The following ATP8B3 variants were observed in gnomAD, a reference collection of about 807,000 sequenced individuals.
ATP8B3 encodes ATPase phospholipid transporting 8B3.
In ATP8B3, 141 loss-of-function variants were observed where a neutral mutation model predicts 140.9. The ratio of observed to expected loss-of-function variants is 1.00; its 90% CI spans 0.87 to 1.15. The LOEUF is 1.15. Ranked by LOEUF, ATP8B3 falls within the 50% of genes most tolerant of loss-of-function variation. ATP8B3 has a pLI of 0.00. For missense variants in ATP8B3, 1,874 were observed against 1,740.6 expected (o/e 1.08, Z -1.36); for synonymous variants, 765 against 714.6 (o/e 1.07, Z -1.13).
At chr19:1,787,712 AGT>A in intron 24 of ATP8B3, among the ~76,000 whole-genome samples, 1 of 120,876 alleles carries the variant, frequency 8.3e-6, no homozygotes, top group East Asian at 2.8e-4. Flanking sequence ...CTGGGCAACA[AGT>A]GTGAAACTCT....
intron 18 of ATP8B3, among the ~76,000 whole-genome samples, chr19:1,792,950 C>G (rs941906231): frequency 1.3e-5 from 2 of 151,680 alleles, no homozygotes; most frequent in Non-Finnish European, 2.9e-5. Context: ...CTGAGCTGCC[C>G]CTGCTCCCCA....
Position 1,784,846 on chromosome 19 carries a change from G to T in ATP8B3, c.3633C>A (p.Phe1211Leu). 6.2e-7 allele frequency: 1 copy of T among 1,609,878 alleles called. No homozygotes were observed. Among genetic ancestry groups the T allele is most frequent in the South Asian group, 1.1e-5 (1 of 90,094 alleles). Reference protein sequence around the residue: ...TFPVLALRVIFPALKELRAKE... With the variant: ...TFPVLALRVILPALKELRAKE... ...TGGCACGTAGCTCCTTGAGGGCTGG[G>T]AAGATGACTCGGAGGGCCAGGACAG... Residue 1211 changes from phenylalanine to leucine, a missense_variant, in exon 28 of 29, where the codon TTC (phenylalanine) becomes TTA (leucine). Phe to Leu is a conservative substitution (Grantham distance 22). This residue lies in a region of ATP8B3 where 840 missense variants were observed against 760.9 expected (regional missense o/e 1.10). Transcript: ENST00000310127.
At position 1,783,189 on chromosome 19, in the gene ATP8B3, G is replaced by A. The variant is rs776009278; in HGVS notation, c.3742C>T (p.Arg1248Cys). 1.4e-5 allele frequency: 22 copies of A among 1,613,080 alleles called. No homozygotes were observed. Among genetic ancestry groups the A allele is most frequent in the Middle Eastern group, 1.6e-4 (1 of 6,084 alleles). Residue 1248 changes from arginine to cysteine, a missense_variant, in exon 29 of 29, where the codon CGC (arginine) becomes TGC (cysteine). By Grantham distance (180) the Arg-to-Cys change is radical (BLOSUM62 -3). Around this residue, in one of 3 missense-constraint regions of ATP8B3, gnomAD observed 840 missense variants for 760.9 expected, o/e 1.10. Coordinates refer to ENST00000310127, the MANE Select transcript of ATP8B3 (RefSeq NM_138813.4). Reference sequence around the variant, plus strand: ...TGGGAGAAAGCATAGCTGGAACGGCGGGCACGAGACTCCCGGTGTACATGA... The same window carrying A: ...TGGGAGAAAGCATAGCTGGAACGGCAGGCACGAGACTCCCGGTGTACATGA... ...LPHVHRESRA[R>C]RSSYAFSHRE... is the part of the protein sequence containing the mutation.
intron 4 of ATP8B3, 138 bp downstream of exon 4, chr19:1,809,505 A>G (rs1221335694): frequency 3.9e-6 from 3 of 761,388 alleles, no homozygotes; most frequent in East Asian, 5.4e-5. Flanking sequence ...AAGAAAGAAA[A>G]AGAAAACGAA....
chr19:1,800,237 G>C lies in ATP8B3; in HGVS notation c.1343+22C>G. On this transcript the variant is annotated intron_variant, in intron 13 of 28. Transcript: ENST00000310127. This position sits in a 1 kb window ranked among gnomAD's most constrained non-coding sequence, Gnocchi z 4.4. ...CTCCCCGTTCCGCGTTTGCACCGGG[G>C]ACGCAGCCGGCGGAGACTCACAGGA... 6.2e-7 allele frequency: 1 copy of C among 1,607,950 alleles called. No homozygotes were observed. Among genetic ancestry groups the C allele is most frequent in the Admixed American group, 1.7e-5 (1 of 59,184 alleles).
At chr19:1,809,857 G>A (rs887963518) in intron 3 of ATP8B3, 123 bp from the exon 4 acceptor site, 5 of 850,992 alleles carry the variant, frequency 5.9e-6, no homozygotes, top group Admixed American at 2.1e-5. Context: ...CGAGATGTCA[G>A]AGCCCGTAAA....
rs1337801637 is a variant in ATP8B3, at chr19:1,800,416, A to C, written c.1186T>G (p.Leu396Val). Residue 396 changes from leucine to valine, a missense_variant, in exon 13 of 29, where the codon TTG becomes GTG. Physicochemically the swap from Leu to Val is conservative, Grantham distance 32 (BLOSUM62 1). This residue lies in a region of ATP8B3 where 1,032 missense variants were observed against 963.6 expected (regional missense o/e 1.07). Coordinates refer to ENST00000310127, the MANE Select transcript of ATP8B3 (RefSeq NM_138813.4). This position sits in a 1 kb window ranked among gnomAD's most constrained non-coding sequence, Gnocchi z 4.4. ...ACTGAGAAACCGAAGCCGAAGGCCA[A>C]CACCAGGCAGACAAGCACCACGGAG... ...FISVVLVCLVLAFGFGFSVKE... is the reference protein window; with the variant it reads ...FISVVLVCLVVAFGFGFSVKE... The C allele has an allele frequency of 1.2e-6, 2 of 1,609,294 alleles. No homozygotes were observed. The highest frequency in any genetic ancestry group is 2.7e-5 in the African/African-American group (2 of 74,694).
At chr19:1,810,445 T>G (rs2069154580) in intron 3 of ATP8B3, among the ~76,000 whole-genome samples, 177 bp downstream of exon 3, 1 of 152,068 alleles carries the variant, frequency 6.6e-6, no homozygotes, top group South Asian at 2.1e-4. Flanking sequence ...CTTCGTACTT[T>G]TAGTAGAAAC....
At position 1,805,432 on chromosome 19, in the gene ATP8B3, C is replaced by T. The variant is rs755280107; in HGVS notation, c.846G>A (p.Gln282=). 2 of 1,565,164 alleles carry T rather than the reference C, an allele frequency of 1.3e-6. No individual in the cohort carries two copies. Among genetic ancestry groups the T allele is most frequent in the South Asian group, 2.3e-5 (2 of 85,198 alleles). The part of the protein sequence containing the change: ...IDGETNLKFR[Q]ALMVTHKELA... ...GTTCTTTGTGGGTGACCATCAGGGC[C>T]TGTCTGAACTTCAAGTTGGTCTCCC... The change falls in exon 10 of 29, where the codon CAG becomes CAA. Residue 282 remains glutamine (Q), a synonymous_variant. Transcript: ENST00000310127. The surrounding 1 kb of genome is among the most constrained non-coding windows in gnomAD (Gnocchi z 5.2).
intron 4 of ATP8B3, 43 bp from the exon 5 acceptor site, chr19:1,808,378 C>G: frequency 6.6e-7 from 1 of 1,505,392 alleles, no homozygotes; most frequent in South Asian, 1.2e-5. Context: ...GGGTGCCATC[C>G]AGGCCAGGGG....
intron 18 of ATP8B3, among the ~76,000 whole-genome samples, chr19:1,792,730 G>T (rs997194993): frequency 1.3e-5 from 2 of 151,954 alleles, no homozygotes; most frequent in Non-Finnish European, 2.9e-5. Context: ...TAACCAATAC[G>T]GTGAAACCGC....
intron 21 of ATP8B3, 64 bp downstream of exon 21, chr19:1,790,693 C>T: frequency 6.9e-7 from 1 of 1,442,466 alleles, no homozygotes; most frequent in South Asian, 1.3e-5. Context: ...AGACACGCAC[C>T]TGGGTGCTCC....
At chr19:1,791,639 C>T (rs1369680818) in intron 20 of ATP8B3, 111 bp downstream of exon 20, 8 of 792,194 alleles carry the variant, frequency 1.0e-5, no homozygotes, top group Admixed American at 2.2e-5. Flanking sequence ...GTGATCCGCC[C>T]GCCTCGGCCT....
chr19:1,802,938 T>C lies in ATP8B3; in HGVS notation c.905-293A>G, dbSNP rs576165094. 7.9e-5 allele frequency among the ~76,000 whole-genome samples: 12 copies of C among 152,300 alleles called. No individual in the cohort carries two copies. In the South Asian group the frequency reaches 2.5e-3, roughly 32 times the overall value. The stretch of plus-strand genomic sequence containing the variant: ...CTCCCTCGTGGTTCTGATCCCAGCA[T>C]GTGACGAGACATTTATCTGTGCAAA... On this transcript the variant is annotated intron_variant, in intron 10 of 28. Coordinates refer to ENST00000310127, the MANE Select transcript of ATP8B3 (RefSeq NM_138813.4).
At position 1,807,019 on chromosome 19, in the gene ATP8B3, A is replaced by G. The variant is rs17604735; in HGVS notation, c.615+149T>C. On this transcript the variant is annotated intron_variant, in intron 6 of 28. Coordinates refer to ENST00000310127, the MANE Select transcript of ATP8B3 (RefSeq NM_138813.4). The surrounding 1 kb of genome is among the most constrained non-coding windows in gnomAD (Gnocchi z 5.9). ...ATGTGGGTGCTAGCAGATAAGGACA[A>G]TGTAGCCCCAGCAGCTGAGGCTCCC... The G allele has an allele frequency of 0.18, 133,047 of 742,624 alleles. 12,761 individuals carry two copies. The highest frequency in any genetic ancestry group is 0.31 in the African/African-American group (17,757 of 57,720). 46.0% of individuals were successfully genotyped at this position (742,624 alleles called of 1,614,324 possible).
rs777947896 is a variant in ATP8B3, at chr19:1,807,118, C to CA, written c.615+49_615+50insT. On this transcript the variant is annotated intron_variant, in intron 6 of 28. Transcript: ENST00000310127. The surrounding 1 kb of genome is among the most constrained non-coding windows in gnomAD (Gnocchi z 5.9). ...CTCGCCCAGGGATCAAGAGACCCCC[C>CA]CGACCGGCCCCGCTCCCTCCCCCAG... 6.5e-7 allele frequency: 1 copy of CA among 1,529,870 alleles called. No individual in the cohort carries two copies. Among genetic ancestry groups the CA allele is most frequent in the Non-Finnish European group, 9.0e-7 (1 of 1,106,538 alleles). 94.8% of individuals were successfully genotyped at this position (1,529,870 alleles called of 1,614,324 possible). A position where few individuals can be genotyped will look rare whatever the true frequency, so the allele number is the denominator to read the frequency against.
chr19:1,798,984 A>T (rs922006722), intron 14 of ATP8B3: 2 of 151,696 alleles, frequency 1.3e-5, no homozygotes, highest in African/African-American at 2.4e-5. Flanking sequence ...CTTGACAAAA[A>T]ATACAAAAAT....
At chr19:1,787,068 G>C (rs1177955144) in intron 25 of ATP8B3, 35 bp downstream of exon 25, 1 of 1,526,784 alleles carries the variant, frequency 6.5e-7, no homozygotes, top group Non-Finnish European at 8.9e-7. Context: ...GCTAAGCAGA[G>C]ACCTGGAAGG....
chr19:1,804,626 A>T (rs1438791804), intron 10 of ATP8B3, among the ~76,000 whole-genome samples: 1 of 151,088 alleles, frequency 6.6e-6, no homozygotes, highest in Non-Finnish European at 1.5e-5. Flanking sequence ...AAAAGAAAAA[A>T]GAAACCCCGT....
Sources: gnomAD v4.1 joint callset for allele counts (sites outside exome capture counted in the v4.1 genomes callset) on GRCh38, gnomAD v4.1.1 for gene constraint, gnomAD v4.1.1 regional missense constraint, Gnocchi (gnomAD v3.1) non-coding constraint, MANE v1.5 for transcripts, NCBI Gene and HGNC (gene_info 2026-07-23, HGNC 2026-07-21) for gene names.